SLC25A24: variants seen among roughly 807,000 people sequenced by gnomAD.
SLC25A24 encodes the protein solute carrier family 25 member 24.
Under a neutral mutation model 60.7 loss-of-function variants are expected in SLC25A24, and 49 were observed. That is an observed-to-expected ratio of 0.81 (90% CI 0.64 to 1.02). SLC25A24 has a LOEUF of 1.02. Ranked by LOEUF, SLC25A24 falls within the 50% of genes least tolerant of loss-of-function variation. SLC25A24 has a pLI of 0.00. For missense variants in SLC25A24, 564 were observed against 586.3 expected (o/e 0.96, Z 0.39); for synonymous variants, 202 against 200.6 (o/e 1.01, Z -0.06).
intron 4 of SLC25A24, among the ~76,000 whole-genome samples, chr1:108,158,035 A>T (rs987846998): frequency 6.6e-6 from 1 of 152,180 alleles, no homozygotes; most frequent in Non-Finnish European, 1.5e-5. Flanking sequence ...TTCTTAAACA[A>T]TACTTCCTTT....
chr1:108,174,052 T>A (rs1304592777), intron 3 of SLC25A24, among the ~76,000 whole-genome samples: 1 of 152,206 alleles, frequency 6.6e-6, no homozygotes, highest in Non-Finnish European at 1.5e-5. Context: ...AAGAAAAATC[T>A]ATTTTCTGAG....
At chr1:108,181,107 C>A (rs1647916544) in intron 3 of SLC25A24, among the ~76,000 whole-genome samples, 1 of 152,152 alleles carries the variant, frequency 6.6e-6, no homozygotes. Context: ...ATTACGTGCT[C>A]AGCCTTGAGA....
intron 6 of SLC25A24, among the ~76,000 whole-genome samples, chr1:108,149,674 G>A (rs1679703953): frequency 6.6e-6 from 1 of 152,142 alleles, no homozygotes; most frequent in Non-Finnish European, 1.5e-5. Context: ...GGTCTCCAGA[G>A]GTAAGCAGCT....
intron 3 of SLC25A24, among the ~76,000 whole-genome samples, chr1:108,172,686 C>A (rs1300900361): frequency 6.6e-6 from 1 of 152,126 alleles, no homozygotes; most frequent in African/African-American, 2.4e-5. Flanking sequence ...ATATCCAAAC[C>A]ATATTAAGCA....
chr1:108,198,183 T>C lies in SLC25A24; in HGVS notation c.183+1773A>G, dbSNP rs747063619. On this transcript the variant is annotated intron_variant, in intron 1 of 9. Transcript: ENST00000565488. ...GAACTGTGAGCTAAATAAATGTCTT[T>C]TCTTTATAAATTACCCTGTCTCAGA... Among the ~76,000 whole-genome samples, 7 of 152,318 alleles carry C rather than the reference T, an allele frequency of 4.6e-5. 1 individual carries two copies. Among genetic ancestry groups the C allele is most frequent in the Middle Eastern group, 6.8e-3 (2 of 294 alleles).
intron 3 of SLC25A24, among the ~76,000 whole-genome samples, chr1:108,176,344 AAATG>A (rs1324750703): frequency 6.6e-6 from 1 of 152,184 alleles, no homozygotes; most frequent in Non-Finnish European, 1.5e-5. Flanking sequence ...AAAAGAATGA[AAATG>A]AATGAAGAAA....
intron 3 of SLC25A24, among the ~76,000 whole-genome samples, chr1:108,180,713 A>G (rs1268363746): frequency 6.6e-6 from 1 of 151,450 alleles, no homozygotes; most frequent in Non-Finnish European, 1.5e-5. Context: ...CAAGCCAGAA[A>G]GAGAGCCCTC....
rs143439497 is a variant in SLC25A24 at position 108,192,381 on chromosome 1, C to G, written c.184-6427G>C. On this transcript the variant is annotated intron_variant, in intron 1 of 9. Coordinates refer to ENST00000565488, the MANE Select transcript of SLC25A24 (RefSeq NM_013386.5). The stretch of plus-strand genomic sequence containing the variant: ...GTAACGCTGGTCAACGACCTGAACA[C>G]TGCAGTGGGCCCAGGTCAAGCTTGA... 1,099 of 703,414 alleles carry G rather than the reference C, an allele frequency of 1.6e-3. 142 individuals carry two copies. The highest frequency in any genetic ancestry group is 2.3e-3 in the Non-Finnish European group (981 of 427,068). 43.6% of individuals were successfully genotyped at this position (703,414 alleles called of 1,614,324 possible).
chr1:108,170,896 G>A (rs1022534579), intron 3 of SLC25A24, among the ~76,000 whole-genome samples: 12 of 151,774 alleles, frequency 7.9e-5, no homozygotes, highest in African/African-American at 2.2e-4. Flanking sequence ...TAACTTACTC[G>A]TCACCCACCT....
At chr1:108,182,694 A>G (rs917916632) in intron 2 of SLC25A24, among the ~76,000 whole-genome samples, 3 of 152,066 alleles carry the variant, frequency 2.0e-5, no homozygotes. Flanking sequence ...TCAGCCAGGC[A>G]TGGTGGCAGG....
chr1:108,147,233 T>C (rs866695321), intron 7 of SLC25A24, among the ~76,000 whole-genome samples: 2 of 152,212 alleles, frequency 1.3e-5, no homozygotes, highest in Admixed American at 6.5e-5. Flanking sequence ...TGATGGTAGT[T>C]TGCATTTCTG....
Position 108,200,291 on chromosome 1 carries a change from C to G in SLC25A24, c.-153G>C. 1 of 590,706 alleles carries G rather than the reference C, an allele frequency of 1.7e-6. No homozygotes were observed. The highest frequency in any genetic ancestry group is 2.5e-6 in the Non-Finnish European group (1 of 401,426). The allele number at this position is 590,706 out of a possible 1,614,324, so 36.6% of individuals were successfully genotyped here. ...GGGGTTGCGGCTGCGGCGCGCAGGG[C>G]GCAGGGCGCAGGAGCGGAGACCCCA... On this transcript the variant is annotated 5_prime_UTR_variant, in exon 1 of 10. Transcript: ENST00000565488.
At chr1:108,187,509 A>G (rs908869494) in intron 1 of SLC25A24, among the ~76,000 whole-genome samples, 2 of 152,182 alleles carry the variant, frequency 1.3e-5, no homozygotes, top group Non-Finnish European at 2.9e-5. Flanking sequence ...TAATGATATT[A>G]TGAAAAGCTT....
At chr1:108,138,612 C>T (rs1399195021) in intron 9 of SLC25A24, among the ~76,000 whole-genome samples, 2 of 152,020 alleles carry the variant, frequency 1.3e-5, no homozygotes, top group Admixed American at 1.3e-4. Context: ...AAAATGATTC[C>T]AACCACCATT....
chr1:108,160,535 T>C (rs1411919585), intron 4 of SLC25A24, among the ~76,000 whole-genome samples: 1 of 152,084 alleles, frequency 6.6e-6, no homozygotes, highest in Non-Finnish European at 1.5e-5. Flanking sequence ...GCTCCTCACT[T>C]CCCAGACGGG....
chr1:108,181,056 T>C (rs1407990128), intron 3 of SLC25A24, among the ~76,000 whole-genome samples: 2 of 152,228 alleles, frequency 1.3e-5, no homozygotes, highest in African/African-American at 2.4e-5. Flanking sequence ...AGGTTTTCAT[T>C]TCCTCAGGAA....
chr1:108,165,957 C>T (rs1414915325), intron 3 of SLC25A24, among the ~76,000 whole-genome samples: 2 of 152,170 alleles, frequency 1.3e-5, no homozygotes, highest in Non-Finnish European at 2.9e-5. Context: ...ATGTTAAGCA[C>T]TTCCTTCAGG....
At chr1:108,199,807 G>A in intron 1 of SLC25A24, 149 bp downstream of exon 1, 3 of 644,986 alleles carry the variant, frequency 4.7e-6, no homozygotes, top group Non-Finnish European at 2.6e-6. Flanking sequence ...CCCCACGCCC[G>A]AGTTTCTGAA....
intron 3 of SLC25A24, among the ~76,000 whole-genome samples, chr1:108,174,440 G>T (rs894431058): frequency 6.6e-6 from 1 of 152,206 alleles, no homozygotes; most frequent in African/African-American, 2.4e-5. Flanking sequence ...AGGATGTATG[G>T]AAATGCCTGG....
Sources: allele counts gnomAD v4.1 joint callset (sites outside exome capture counted in the v4.1 genomes callset), GRCh38; gene constraint gnomAD v4.1.1; transcripts MANE v1.5; gene names NCBI Gene and HGNC (gene_info 2026-07-23, HGNC 2026-07-21).